The following NAV2 variants were observed in gnomAD, a reference collection of about 807,000 sequenced individuals.
NAV2 encodes the protein neuron navigator 2.
Under a neutral mutation model 223.2 loss-of-function variants are expected in NAV2, and 54 were observed. The observed-to-expected ratio is 0.24, with a 90% confidence interval of 0.19 to 0.30. The LOEUF (loss-of-function observed/expected upper bound fraction) is 0.30, where lower values mean the gene tolerates loss of function less well. Ranked by LOEUF, NAV2 falls within the 10% of genes least tolerant of loss-of-function variation. The pLI is 1.00. For missense variants in NAV2, 2,806 were observed against 3,147.5 expected, an observed-to-expected ratio of 0.89 and a Z score of 2.60; for synonymous variants, 1,279 against 1,239.3, an observed-to-expected ratio of 1.03 and a Z score of -0.67.
intron 1 of NAV2, among the ~76,000 whole-genome samples, chr11:19,376,114 C>A (rs997699155): frequency 6.6e-6 from 1 of 152,102 alleles, no homozygotes; most frequent in East Asian, 1.9e-4. Context: ...AGGGAAAAGG[C>A]AAGTTTATGG....
At chr11:19,432,717 G>A (rs1851079397) in intron 1 of NAV2, among the ~76,000 whole-genome samples, 1 of 152,162 alleles carries the variant, frequency 6.6e-6, no homozygotes, top group African/African-American at 2.4e-5. Context: ...AGTGGAGACT[G>A]CACTGAATTC....
At chr11:20,066,638 C>A (rs1011716142) in intron 20 of NAV2, among the ~76,000 whole-genome samples, 2 of 152,176 alleles carry the variant, frequency 1.3e-5, no homozygotes, top group Non-Finnish European at 2.9e-5. Context: ...AGCTGCCTAC[C>A]TATTCCAGCT....
At chr11:20,049,799 G>C in intron 15 of NAV2, 37 bp from the exon 16 acceptor site, 3 of 1,597,002 alleles carry the variant, frequency 1.9e-6, no homozygotes, top group Non-Finnish European at 2.6e-6. Context: ...CCAAGCTAAC[G>C]TTCCTTCTCT....
chr11:19,611,765 G>T (rs541149569), intron 1 of NAV2, among the ~76,000 whole-genome samples: 1 of 152,196 alleles, frequency 6.6e-6, no homozygotes, highest in Non-Finnish European at 1.5e-5. Context: ...ACAGGCTGAC[G>T]TTGAGTGTCT....
chr11:19,985,299 A>G (rs558148904), intron 11 of NAV2, among the ~76,000 whole-genome samples: 2 of 152,272 alleles, frequency 1.3e-5, no homozygotes, highest in South Asian at 4.1e-4. Flanking sequence ...AAGAATCTTC[A>G]TGTTCTCTCA....
intron 1 of NAV2, among the ~76,000 whole-genome samples, chr11:19,726,298 C>G (rs1043140520): frequency 6.6e-6 from 1 of 152,216 alleles, no homozygotes; most frequent in Non-Finnish European, 1.5e-5. Context: ...AGTTTTCACT[C>G]CCCTGTCCTG....
Position 20,027,468 on chromosome 11 carries a change from G to A in NAV2, c.2769-8491G>A, listed in dbSNP as rs1467403604. On this transcript the variant is annotated intron_variant, in intron 11 of 37. Coordinates refer to ENST00000349880, the MANE Select transcript of NAV2 (RefSeq NM_145117.5). The stretch of plus-strand genomic sequence containing the variant: ...GGAGCAGAACTGGAAAATTGAGCAG[G>A]TAAGTCCTGGATGCAGCTGGTCACA... 3 of 985,324 alleles carry A rather than the reference G, an allele frequency of 3.0e-6. No individual in the cohort carries two copies. In the African/African-American group the frequency reaches 5.2e-5, roughly 17 times the overall value. The allele number at this position is 985,324 out of a possible 1,614,324, so 61.0% of individuals were successfully genotyped here. A position where few individuals can be genotyped will look rare whatever the true frequency, so the allele number is the denominator to read the frequency against.
chr11:19,350,828 C>G, exon 1 of NAV2: 1 of 888,310 alleles, frequency 1.1e-6, no homozygotes, highest in Non-Finnish European at 1.8e-6. Context: ...AGAGGTGGTG[C>G]TGATTTCCTT....
At chr11:20,028,293 C>G (rs150867505) in intron 11 of NAV2, among the ~76,000 whole-genome samples, 38 of 152,204 alleles carry the variant, frequency 2.5e-4, no homozygotes, top group African/African-American at 9.2e-4. Context: ...TGTCAGCATC[C>G]CTTCTAAGAC....
At chr11:19,654,769 G>A (rs1307265777) in intron 1 of NAV2, among the ~76,000 whole-genome samples, 1 of 152,012 alleles carries the variant, frequency 6.6e-6, no homozygotes, top group Non-Finnish European at 1.5e-5. Flanking sequence ...TAAATGTTAG[G>A]CCTAAAACCA....
chr11:19,751,097 T>C (rs2053770704), intron 1 of NAV2, among the ~76,000 whole-genome samples: 1 of 152,182 alleles, frequency 6.6e-6, no homozygotes, highest in South Asian at 2.1e-4. Flanking sequence ...ATTTACACCA[T>C]GGAAATTGGC....
Position 19,832,614 on chromosome 11 carries a change from T to G in NAV2, c.385+13T>G. The G allele has an allele frequency of 6.2e-7, 1 of 1,606,154 alleles. No homozygotes were observed. Among genetic ancestry groups the G allele is most frequent in the Non-Finnish European group, 8.5e-7 (1 of 1,172,828 alleles). ...ATCCAGGTTGTGGGTAAGAGCAGAT[T>G]TTACCTTGGGGGTAATGAGTTACAG... is the stretch of plus-strand genomic sequence containing the variant. On this transcript the variant is annotated intron_variant, in intron 2 of 37. Coordinates refer to ENST00000349880, the MANE Select transcript of NAV2 (RefSeq NM_145117.5).
intron 15 of NAV2, chr11:20,049,413 C>T: frequency 1.8e-6 from 1 of 558,546 alleles, no homozygotes; most frequent in South Asian, 2.6e-5. Context: ...GTGCTTGGAG[C>T]TGCTCAGTCT....
At chr11:19,399,240 A>T (rs1028673332) in intron 1 of NAV2, among the ~76,000 whole-genome samples, 2 of 152,090 alleles carry the variant, frequency 1.3e-5, no homozygotes, top group African/African-American at 4.8e-5. Flanking sequence ...GCAAGAAAAA[A>T]ATCAGAACTC....
At chr11:19,986,518 A>G (rs2439874) in intron 11 of NAV2, among the ~76,000 whole-genome samples, 150,879 of 152,248 alleles carry the variant, frequency 0.99, 74,776 homozygotes, top group South Asian at 1. Context: ...TACTCGGGAG[A>G]GGGAGGCATG....
intron 1 of NAV2, among the ~76,000 whole-genome samples, chr11:19,499,619 C>A (rs934681767): frequency 1.3e-5 from 2 of 152,184 alleles, no homozygotes; most frequent in African/African-American, 4.8e-5. Context: ...ACAGCTTAAC[C>A]TTGCTCAGCC....
chr11:19,843,011 C>T, intron 3 of NAV2, 88 bp downstream of exon 3: 2 of 1,093,342 alleles, frequency 1.8e-6, no homozygotes, highest in Admixed American at 1.8e-5. Flanking sequence ...ACATTCATAC[C>T]AGATGCTTTA....
At chr11:19,507,467 G>T (rs749309039) in intron 1 of NAV2, among the ~76,000 whole-genome samples, 13 of 152,166 alleles carry the variant, frequency 8.5e-5, no homozygotes, top group Non-Finnish European at 1.6e-4. Flanking sequence ...ATGAGAAGTG[G>T]CTAATTTGGT....
At chr11:19,960,079 T>G (rs1425267521) in intron 10 of NAV2, among the ~76,000 whole-genome samples, 3 of 152,164 alleles carry the variant, frequency 2.0e-5, no homozygotes, top group African/African-American at 7.2e-5. Flanking sequence ...GGCAAGTATT[T>G]AGTAAGTTCT....
Sources: gnomAD v4.1 joint callset for allele counts (sites outside exome capture counted in the v4.1 genomes callset) on GRCh38, gnomAD v4.1.1 for gene constraint, MANE v1.5 for transcripts, NCBI Gene and HGNC (gene_info 2026-07-23, HGNC 2026-07-21) for gene names.